The following SHANK2 variants were observed in gnomAD, a reference collection of about 807,000 sequenced individuals.
SHANK2 encodes the protein SH3 and multiple ankyrin repeat domains protein 2.
A neutral mutation model predicts 133.7 loss-of-function variants in SHANK2; 43 were observed. That is an observed-to-expected ratio of 0.32 (90% CI 0.25 to 0.41). SHANK2 has a LOEUF of 0.41. Among genes scored for constraint, SHANK2 ranks in the 10% least tolerant of loss-of-function variants. The pLI, the probability that SHANK2 is intolerant of heterozygous loss-of-function variation, is 1.00. For synonymous variants in SHANK2, 1,017 were observed against 952.8 expected (o/e 1.07, Z -1.24); for missense variants, 1,994 against 2,235.8 (o/e 0.89, Z 2.18).
At chr11:71,221,588 C>A (rs1218074882) in intron 2 of SHANK2, among the ~76,000 whole-genome samples, 1 of 152,182 alleles carries the variant, frequency 6.6e-6, no homozygotes, top group African/African-American at 2.4e-5. Flanking sequence ...TCAGGAAAAA[C>A]CACATCTTCA....
At position 71,109,944 on chromosome 11, in the gene SHANK2, C is replaced by T. The variant is rs1028560290; in HGVS notation, c.589G>A (p.Gly197Arg). The T allele has an allele frequency of 9.0e-6, 14 of 1,549,326 alleles. No homozygotes were observed. The highest frequency in any genetic ancestry group is 2.0e-5 in the Admixed American group (1 of 51,012). The change falls in exon 6 of 26, where the codon GGA becomes AGA. Residue 197 changes from glycine (G) to arginine (R), a missense_variant. Physicochemically the swap from Gly to Arg is moderately radical, Grantham distance 125 (BLOSUM62 -2). This residue lies in a region of SHANK2 where 653 missense variants were observed against 563.4 expected (regional missense o/e 1.16). Coordinates refer to ENST00000601538, the MANE Select transcript of SHANK2 (RefSeq NM_012309.5). ...LDPNFHDPET[G>R]ETPLTLAAQL... ...GTCCCCTCTAGCAAGTGCTCACCTCCGGTCTCCGGGTCGTGGAAATTGGGA... is the reference window on the plus strand; with the variant it reads ...GTCCCCTCTAGCAAGTGCTCACCTCTGGTCTCCGGGTCGTGGAAATTGGGA...
chr11:71,244,691 C>G (rs1433375500), intron 1 of SHANK2, among the ~76,000 whole-genome samples: 2 of 152,198 alleles, frequency 1.3e-5, no homozygotes, highest in Non-Finnish European at 2.9e-5. Flanking sequence ...CAATGCCACT[C>G]TTCTCACCAA....
chr11:71,142,767 A>C (rs1590953017), intron 3 of SHANK2, among the ~76,000 whole-genome samples: 1 of 151,308 alleles, frequency 6.6e-6, no homozygotes, highest in South Asian at 2.1e-4. Context: ...AACACCAAAC[A>C]CTTCCTGGTG....
chr11:71,089,659 G>A (rs1478656038), intron 8 of SHANK2, among the ~76,000 whole-genome samples: 1 of 152,090 alleles, frequency 6.6e-6, no homozygotes, highest in African/African-American at 2.4e-5. Flanking sequence ...TGGTGCACCC[G>A]GAATGGCTGG....
intron 16 of SHANK2, among the ~76,000 whole-genome samples, chr11:70,661,245 TG>T (rs1555013157): frequency 6.6e-6 from 1 of 152,186 alleles, no homozygotes; most frequent in Non-Finnish European, 1.5e-5. Flanking sequence ...AGCCACAGTC[TG>T]GCTCAACTAG....
intron 11 of SHANK2, among the ~76,000 whole-genome samples, chr11:70,885,416 C>T (rs1308290934): frequency 1.3e-5 from 2 of 152,146 alleles, no homozygotes; most frequent in Admixed American, 6.5e-5. Context: ...ATGGGGGATC[C>T]GCAGTGGGAC....
intron 10 of SHANK2, among the ~76,000 whole-genome samples, chr11:70,903,651 T>C (rs547285380): frequency 2.0e-5 from 3 of 152,198 alleles, no homozygotes; most frequent in African/African-American, 7.2e-5. Flanking sequence ...GGGCTCGAGG[T>C]TGGTTCAGAC....
intron 17 of SHANK2, among the ~76,000 whole-genome samples, chr11:70,511,921 C>CA (rs1278636065): frequency 6.6e-6 from 1 of 152,198 alleles, no homozygotes; most frequent in Non-Finnish European, 1.5e-5. Context: ...TTTACAGAAA[C>CA]AAAGAGTTCC....
rs1418255492 is a variant in SHANK2 at position 71,113,240 on chromosome 11, CAAG to C, written c.483+50_483+52del. 9 of 1,464,864 alleles carry C rather than the reference CAAG, an allele frequency of 6.1e-6. No individual in the cohort carries two copies. The African/African-American group carries it at 1.1e-4, about 18-fold the overall frequency. The allele number at this position is 1,464,864 out of a possible 1,614,324, so 90.7% of individuals were successfully genotyped here. A position where few individuals can be genotyped will look rare whatever the true frequency, so the allele number is the denominator to read the frequency against. On this transcript the variant is annotated intron_variant, in intron 5 of 25. Coordinates refer to ENST00000601538, the MANE Select transcript of SHANK2 (RefSeq NM_012309.5). ...GTCTAAAGATAACACAACAAGATAA[CAAG>C]GAGGACGCCGCCTGCCTAACGTGTA...
intron 2 of SHANK2, among the ~76,000 whole-genome samples, chr11:71,179,153 T>G (rs1001044699): frequency 2.0e-5 from 3 of 152,154 alleles, no homozygotes; most frequent in Non-Finnish European, 4.4e-5. Context: ...ACCAACATTC[T>G]TCATGAACAC....
At chr11:70,537,504 G>T (rs1004049702) in intron 17 of SHANK2, among the ~76,000 whole-genome samples, 1 of 152,250 alleles carries the variant, frequency 6.6e-6, no homozygotes, top group Non-Finnish European at 1.5e-5. Context: ...GCCAAGGAAC[G>T]CTGGGAGCCC....
chr11:70,895,232 G>A (rs1362059522), intron 11 of SHANK2, among the ~76,000 whole-genome samples: 29 of 152,340 alleles, frequency 1.9e-4, no homozygotes, highest in African/African-American at 4.8e-4. Context: ...GGTACCGGCC[G>A]TGGTTGACGT....
intron 17 of SHANK2, among the ~76,000 whole-genome samples, chr11:70,512,001 T>C (rs1342355599): frequency 2.6e-5 from 4 of 152,230 alleles, no homozygotes; most frequent in African/African-American, 9.6e-5. Context: ...AGCTATTTAA[T>C]TTTATATCTA....
At chr11:70,519,734 T>C (rs2059307267) in intron 17 of SHANK2, among the ~76,000 whole-genome samples, 2 of 152,100 alleles carry the variant, frequency 1.3e-5, no homozygotes, top group Admixed American at 1.3e-4. Flanking sequence ...CAATTACTAT[T>C]GTTTTTATTT....
intron 14 of SHANK2, among the ~76,000 whole-genome samples, chr11:70,777,240 C>T (rs760763365): frequency 2.0e-5 from 3 of 151,902 alleles, no homozygotes; most frequent in Non-Finnish European, 4.4e-5. Flanking sequence ...CCCAGCTACC[C>T]ATCCATTCAT....
chr11:70,787,418 A>T, intron 14 of SHANK2, among the ~76,000 whole-genome samples: 1 of 150,680 alleles, frequency 6.6e-6, no homozygotes, highest in African/African-American at 2.5e-5. Context: ...GACCACCACC[A>T]CCACCAGCAT....
intron 17 of SHANK2, among the ~76,000 whole-genome samples, chr11:70,600,048 C>G (rs1308523045): frequency 6.6e-6 from 1 of 152,060 alleles, no homozygotes; most frequent in Non-Finnish European, 1.5e-5. Context: ...TATTCTGGGT[C>G]AATGCAATTC....
At chr11:70,550,963 C>T (rs1424648045) in intron 17 of SHANK2, among the ~76,000 whole-genome samples, 3 of 152,164 alleles carry the variant, frequency 2.0e-5, no homozygotes, top group Non-Finnish European at 2.9e-5. Flanking sequence ...AGCCACGCTG[C>T]AGTGGTAAAC....
intron 11 of SHANK2, among the ~76,000 whole-genome samples, chr11:70,892,631 T>A (rs1949865170): frequency 6.6e-6 from 1 of 152,194 alleles, no homozygotes; most frequent in African/African-American, 2.4e-5. Context: ...GCCCAATTCC[T>A]CCAGCATGTG....
Sources: allele counts gnomAD v4.1 joint callset (sites outside exome capture counted in the v4.1 genomes callset), GRCh38; gene constraint gnomAD v4.1.1; regional missense constraint gnomAD v4.1.1; transcripts MANE v1.5; gene names NCBI Gene and HGNC (gene_info 2026-07-23, HGNC 2026-07-21).